Variants in GPKOW observed in about 807,000 individuals in gnomAD.
The protein encoded by GPKOW is G-patch domain and KOW motifs-containing protein.
For missense variants in GPKOW, 359 were observed against 404.7 expected, an observed-to-expected ratio of 0.89 and a Z score of 0.97; for synonymous variants, 167 against 159.1, an observed-to-expected ratio of 1.05 and a Z score of -0.37.
chrX:49,120,173 G>A (rs941775906), intron 3 of GPKOW, among the ~76,000 whole-genome samples: 4 of 112,004 alleles, frequency 3.6e-5, no homozygotes, highest in African/African-American at 1.3e-4. Flanking sequence ...CAAGAAAACA[G>A]GGTAAGAAGA....
In GPKOW at chrX:49,122,382, C is replaced by T. The variant is rs782477189; in HGVS notation, c.456+16G>A. On this transcript the variant is annotated intron_variant, in intron 3 of 10. Coordinates refer to ENST00000156109, the MANE Select transcript of GPKOW (RefSeq NM_015698.6). ...AAGAAAGGCTGGGGCAGGAGGGGGACAAGGGGCCAGCTCACTGTCTCTGCC... is the reference window on the plus strand; with the variant it reads ...AAGAAAGGCTGGGGCAGGAGGGGGATAAGGGGCCAGCTCACTGTCTCTGCC... 8.9e-7 allele frequency: 1 copy of T among 1,127,515 alleles called. No individual in the cohort carries two copies. The highest frequency in any genetic ancestry group is 3.4e-5 in the Admixed American group (1 of 29,388). 92.9% of individuals were successfully genotyped at this position (1,127,515 alleles called of 1,213,427 possible).
chrX:49,114,690 G>T (rs2065185549), intron 9 of GPKOW, among the ~76,000 whole-genome samples: 1 of 105,938 alleles, frequency 9.4e-6, no homozygotes, highest in Non-Finnish European at 1.9e-5. Flanking sequence ...ACTTTGGGAG[G>T]CTGAGGCAGG....
rs1557091424 is a variant in GPKOW at position 49,123,529 on chromosome X, A to T, written c.176+18T>A. ...CCACCGCAGAGATTTCCAAGGGGTG[A>T]AAGACCCGGCGCGTCACCTCTGCAG... On this transcript the variant is annotated intron_variant, in intron 1 of 10. Transcript: ENST00000156109. The T allele has an allele frequency of 8.4e-7, 1 of 1,186,649 alleles. No individual in the cohort carries two copies. The highest frequency in any genetic ancestry group is 1.8e-5 in the South Asian group (1 of 54,374).
At chrX:49,115,522 GA>G (rs1379498850) in intron 9 of GPKOW, among the ~76,000 whole-genome samples, 5 of 24,531 alleles carry the variant, frequency 2.0e-4, no homozygotes, top group East Asian at 1.9e-3. Flanking sequence ...AAAAAAAAAA[GA>G]AAAAAAAGAA....
intron 6 of GPKOW, 63 bp from the exon 7 acceptor site, chrX:49,116,386 G>T: frequency 1.4e-6 from 1 of 732,071 alleles, no homozygotes; most frequent in Non-Finnish European, 2.2e-6. Context: ...CCAGGACAGA[G>T]CCTCAGTGTC....
intron 1 of GPKOW, 21 bp downstream of exon 1, chrX:49,123,526 G>T (rs1233479947): frequency 4.1e-5 from 49 of 1,184,669 alleles, no homozygotes; most frequent in Non-Finnish European, 5.3e-5. Context: ...TTTCCAAGGG[G>T]TGAAAGACCC....
In GPKOW at chrX:49,117,409, C is replaced by A. The variant is rs782614963; in HGVS notation, c.780+188G>T. ...GCATATGGCATTCTCTTCCTTTTAG[C>A]TGGGAACTGAGGCTCACAAAGGCCA... On this transcript the variant is annotated intron_variant, in intron 5 of 10. Transcript: ENST00000156109. Among the ~76,000 whole-genome samples, 3 of 111,820 alleles carry A rather than the reference C, an allele frequency of 2.7e-5. No individual in the cohort carries two copies. The South Asian group carries it at 1.1e-3, about 41-fold the overall frequency.
chrX:49,122,772 T>C lies in GPKOW; in HGVS notation c.181A>G (p.Lys61Glu). 1 of 1,207,752 alleles carries C rather than the reference T, an allele frequency of 8.3e-7. No individual in the cohort carries two copies. Among genetic ancestry groups the C allele is most frequent in the Non-Finnish European group, 1.1e-6 (1 of 892,342 alleles). ...TVEGRELQSV[K>E]PQEAPKELVI... Reference sequence around the variant, plus strand: ...AGTTCCTTGGGGGCCTCCTGGGGCTTCACACTGATGTGGACACAGAGGGGT... The same window carrying C: ...AGTTCCTTGGGGGCCTCCTGGGGCTCCACACTGATGTGGACACAGAGGGGT... The change falls in exon 2 of 11, where the codon AAG becomes GAG. Residue 61 changes from lysine to glutamate, a missense_variant. Coordinates refer to ENST00000156109, the MANE Select transcript of GPKOW (RefSeq NM_015698.6).
intron 4 of GPKOW, 44 bp downstream of exon 4, chrX:49,119,661 G>T: frequency 1.2e-6 from 1 of 808,852 alleles, no homozygotes; most frequent in Non-Finnish European, 1.8e-6. Context: ...CTTGATTGCA[G>T]CCTGATGATC....
intron 3 of GPKOW, among the ~76,000 whole-genome samples, chrX:49,121,486 G>C (rs1302563156): frequency 9.0e-6 from 1 of 111,274 alleles, no homozygotes; most frequent in Non-Finnish European, 1.9e-5. Flanking sequence ...ACATCTGAAG[G>C]CTGAAGAGAA....
At chrX:49,115,661 G>A (rs2065190742) in intron 9 of GPKOW, 65 bp downstream of exon 9, 1 of 959,331 alleles carries the variant, frequency 1.0e-6, no homozygotes, top group Non-Finnish European at 1.5e-6. Flanking sequence ...AGCTTTGCCT[G>A]GGCCAGGCTC....
At chrX:49,122,953 C>A (rs1306293124) in intron 1 of GPKOW, among the ~76,000 whole-genome samples, 177 bp from the exon 2 acceptor site, 3 of 112,006 alleles carry the variant, frequency 2.7e-5, no homozygotes, top group East Asian at 2.8e-4. Context: ...ATTATCTCCC[C>A]AGTGCCCCCA....
In GPKOW at chrX:49,116,311, C is replaced by T. The variant is rs782361561; in HGVS notation, c.926G>A (p.Gly309Glu). The change falls in exon 7 of 11, where the codon GGA (glycine) becomes GAA (glutamate). Residue 309 changes from glycine to glutamate, a missense_variant. Coordinates refer to ENST00000156109, the MANE Select transcript of GPKOW (RefSeq NM_015698.6). Reference sequence around the variant, plus strand: ...GAGGGTCTTCCGTGATGAGGCAGTTCCGTTCTGTTGCCCTGGGGAAGGAAG... The same window carrying T: ...GAGGGTCTTCCGTGATGAGGCAGTTTCGTTCTGTTGCCCTGGGGAAGGAAG... ...KNTLDLRQQN[G>E]TASSRKTLWN... 1 of 1,190,790 alleles carries T rather than the reference C, an allele frequency of 8.4e-7. No individual in the cohort carries two copies. The highest frequency in any genetic ancestry group is 1.8e-5 in the South Asian group (1 of 56,481).
rs2065179784 is a variant in GPKOW at position 49,113,660 on chromosome X, G to A, written c.1392C>T (p.Ile464=). The part of the protein sequence containing the change: ...NQVVELHYDA[I]CQYMGPSDTD... Reference sequence around the variant, plus strand: ...TGTCACTAGGGCCCATGTACTGGCAGATGGCATCGTAGTGAAGCTCCACCA... The same window carrying A: ...TGTCACTAGGGCCCATGTACTGGCAAATGGCATCGTAGTGAAGCTCCACCA... The change falls in exon 11 of 11, where the codon ATC becomes ATT. Residue 464 remains isoleucine, a synonymous_variant. Transcript: ENST00000156109. 8.3e-7 allele frequency: 1 copy of A among 1,210,213 alleles called. No individual in the cohort carries two copies. The highest frequency in any genetic ancestry group is 2.2e-5 in the Admixed American group (1 of 45,969).
At chrX:49,121,486 G>A (rs1302563156) in intron 3 of GPKOW, among the ~76,000 whole-genome samples, 2 of 111,274 alleles carry the variant, frequency 1.8e-5, no homozygotes, top group Admixed American at 1.9e-4. Context: ...ACATCTGAAG[G>A]CTGAAGAGAA....
chrX:49,114,922 CAAAAAAAAAAAAAAAA>C (rs1169588195), intron 9 of GPKOW, among the ~76,000 whole-genome samples: 155 of 45,567 alleles, frequency 3.4e-3, no homozygotes, highest in African/African-American at 0.014. Context: ...GACTCTGTTT[CAAAAAAAAAAAAAAAA>C]AAAAAAAAAA....
intron 4 of GPKOW, 107 bp from the exon 5 acceptor site, chrX:49,117,917 CT>C (rs1269293834): frequency 1.4e-5 from 5 of 355,795 alleles, no homozygotes; most frequent in Non-Finnish European, 2.1e-5. Context: ...TTGACATTTT[CT>C]TTTCTTTTCT....
At chrX:49,116,380 G>A in intron 6 of GPKOW, 57 bp from the exon 7 acceptor site, 1 of 776,280 alleles carries the variant, frequency 1.3e-6, no homozygotes, top group Non-Finnish European at 2.0e-6. Flanking sequence ...GGAGAACCAG[G>A]ACAGAGCCTC....
At chrX:49,115,867 G>A in intron 8 of GPKOW, 24 bp downstream of exon 8, 1 of 1,208,291 alleles carries the variant, frequency 8.3e-7, no homozygotes, top group Non-Finnish European at 1.1e-6. Flanking sequence ...AGAGGGAGGG[G>A]GACTCAGGCT....
Sources: allele counts gnomAD v4.1 joint callset (sites outside exome capture counted in the v4.1 genomes callset), GRCh38; gene constraint gnomAD v4.1.1; transcripts MANE v1.5; gene names NCBI Gene and HGNC (gene_info 2026-07-23, HGNC 2026-07-21).